The following RTKN2 variants were observed in gnomAD, a reference collection of about 807,000 sequenced individuals.
RTKN2 encodes rhotekin 2.
RTKN2 carries 69 observed loss-of-function variants against 71.5 expected under a neutral mutation model. The ratio of observed to expected loss-of-function variants is 0.96; its 90% CI spans 0.79 to 1.18. The LOEUF is 1.18. RTKN2 is among the 50% of genes most tolerant of loss of function. RTKN2 has a pLI of 0.00. For missense variants in RTKN2, 724 were observed against 719.7 expected (o/e 1.01, Z -0.07); for synonymous variants, 236 against 236.5 (o/e 1.00, Z 0.02).
At chr10:62,240,823 T>C (rs1353996940) in intron 4 of RTKN2, among the ~76,000 whole-genome samples, 1 of 152,124 alleles carries the variant, frequency 6.6e-6, no homozygotes, top group Non-Finnish European at 1.5e-5. Flanking sequence ...ATACAAGAAA[T>C]GTTGGCTTTA....
intron 6 of RTKN2, among the ~76,000 whole-genome samples, chr10:62,223,592 A>G (rs1282993643): frequency 6.6e-6 from 1 of 152,208 alleles, no homozygotes; most frequent in Non-Finnish European, 1.5e-5. Flanking sequence ...ATCATCAGTC[A>G]TTGGGGAAAT....
At chr10:62,239,344 G>A (rs1340751567) in intron 5 of RTKN2, 8 of 197,370 alleles carry the variant, frequency 4.1e-5, no homozygotes, top group African/African-American at 1.4e-4. Context: ...TCTGTTGTAT[G>A]CATAGCTTTG....
intron 2 of RTKN2, among the ~76,000 whole-genome samples, chr10:62,247,377 A>G (rs1396822526): frequency 6.6e-6 from 1 of 151,972 alleles, no homozygotes; most frequent in African/African-American, 2.4e-5. Flanking sequence ...TCATACGTTT[A>G]TATGAGATAT....
At chr10:62,200,861 G>A (rs1363951502) in intron 10 of RTKN2, among the ~76,000 whole-genome samples, 1 of 151,948 alleles carries the variant, frequency 6.6e-6, no homozygotes, top group Non-Finnish European at 1.5e-5. Context: ...ATTAAATAAA[G>A]GCATTTGGAA....
intron 1 of RTKN2, among the ~76,000 whole-genome samples, chr10:62,265,504 T>A (rs1049937828): frequency 6.6e-6 from 1 of 151,894 alleles, no homozygotes; most frequent in African/African-American, 2.4e-5. Context: ...GTTAAGTGGA[T>A]CCCAGAAGGC....
chr10:62,268,582 G>A lies in RTKN2; in HGVS notation c.29C>T (p.Ala10Val), dbSNP rs752904489. 2.6e-6 allele frequency: 4 copies of A among 1,566,310 alleles called. No homozygotes were observed. The Admixed American group carries it at 7.5e-5, about 29-fold the overall frequency. MEGPSLRGP[A>V]LRLAGLPTQQ... ...GGTGGGAAGCCCCGCCAGGCGGAGC[G>A]CAGGACCCCTCAGGCTCGGCCCCTC... The change falls in exon 1 of 12, where the codon GCG (alanine) becomes GTG (valine). Residue 10 changes from alanine to valine, a missense_variant. Transcript: ENST00000373789.
At chr10:62,191,416 A>G (rs1030045801), downstream of RTKN2, among the ~76,000 whole-genome samples, 1 of 152,178 alleles carries the variant, frequency 6.6e-6, no homozygotes. Flanking sequence ...AAGTACTGGG[A>G]TTATAGGCAT....
chr10:62,230,156 ATTTTTC>A (rs1243974358), intron 6 of RTKN2, among the ~76,000 whole-genome samples: 1 of 151,866 alleles, frequency 6.6e-6, no homozygotes, highest in African/African-American at 2.4e-5. Flanking sequence ...AGTTTCTATT[ATTTTTC>A]TTTTTTTCTT....
rs1842916014 is a variant in RTKN2, at chr10:62,268,734, C to T, written c.-124G>A. 3 of 1,028,792 alleles carry T rather than the reference C, an allele frequency of 2.9e-6. No individual in the cohort carries two copies. Among genetic ancestry groups the T allele is most frequent in the African/African-American group, 1.7e-5 (1 of 60,058 alleles). 63.7% of individuals were successfully genotyped at this position (1,028,792 alleles called of 1,614,324 possible). A position where few individuals can be genotyped will look rare whatever the true frequency, so the allele number is the denominator to read the frequency against. On this transcript the variant is annotated 5_prime_UTR_variant, in exon 1 of 12. Coordinates refer to ENST00000373789, the MANE Select transcript of RTKN2 (RefSeq NM_145307.4). ...CGTACCAAGTCCCAGTCGCAGGGGCCGGGGGCGCAGGAGGAGCCGGGCCGA... is the reference window on the plus strand; with the variant it reads ...CGTACCAAGTCCCAGTCGCAGGGGCTGGGGGCGCAGGAGGAGCCGGGCCGA...
At chr10:62,239,234 C>T (rs986338965) in intron 5 of RTKN2, 15 of 155,100 alleles carry the variant, frequency 9.7e-5, no homozygotes, top group African/African-American at 3.4e-4. Flanking sequence ...AATAAAGTTG[C>T]TATACTATTT....
downstream of RTKN2, among the ~76,000 whole-genome samples, chr10:62,188,864 C>T (rs1380802904): frequency 1.1e-4 from 16 of 152,106 alleles, no homozygotes. Flanking sequence ...TCTCTTGCCT[C>T]AGCCTCCTGA....
intron 9 of RTKN2, among the ~76,000 whole-genome samples, chr10:62,211,426 T>C (rs925912981): frequency 5.9e-5 from 9 of 152,220 alleles, no homozygotes; most frequent in Admixed American, 4.6e-4. Context: ...ACAAGAATTA[T>C]AGCTTGAGAA....
At chr10:62,208,879 T>G (rs1183787372) in intron 9 of RTKN2, among the ~76,000 whole-genome samples, 1 of 152,184 alleles carries the variant, frequency 6.6e-6, no homozygotes, top group Non-Finnish European at 1.5e-5. Flanking sequence ...GTGGAAGACC[T>G]AGATATATGA....
chr10:62,227,276 G>C (rs568234522), intron 6 of RTKN2, among the ~76,000 whole-genome samples: 1 of 152,130 alleles, frequency 6.6e-6, no homozygotes, highest in Non-Finnish European at 1.5e-5. Flanking sequence ...ATGAAGCTAA[G>C]TAAAGCATGG....
downstream of RTKN2, among the ~76,000 whole-genome samples, chr10:62,190,353 G>A (rs1166984828): frequency 3.9e-5 from 6 of 152,138 alleles, no homozygotes; most frequent in African/African-American, 1.4e-4. Flanking sequence ...CACTTACTGG[G>A]AGACTGTGAG....
At chr10:62,259,306 A>C in intron 2 of RTKN2, 1 of 346,252 alleles carries the variant, frequency 2.9e-6, no homozygotes, top group Non-Finnish European at 5.9e-6. Context: ...ATCTGTATTA[A>C]CAGTGTGAAA....
intron 8 of RTKN2, among the ~76,000 whole-genome samples, chr10:62,186,280 C>T (rs1841135455): frequency 6.6e-6 from 1 of 152,148 alleles, no homozygotes; most frequent in Non-Finnish European, 1.5e-5. Context: ...CTACTTAATG[C>T]ATTCAGAGAG....
chr10:62,245,006 A>G (rs550184109), intron 3 of RTKN2, among the ~76,000 whole-genome samples: 2 of 152,314 alleles, frequency 1.3e-5, no homozygotes, highest in South Asian at 4.1e-4. Flanking sequence ...TAACCTAGTG[A>G]TTACTTAAGG....
chr10:62,223,150 TTAAGCCGATATCC>T, intron 7 of RTKN2, 75 bp downstream of exon 7: 2 of 693,106 alleles, frequency 2.9e-6, no homozygotes, highest in Non-Finnish European at 5.0e-6. Context: ...TCTCCATTAT[TTAAGCCGATATCC>T]ACTTGAGGGG....
Sources: allele counts gnomAD v4.1 joint callset (sites outside exome capture counted in the v4.1 genomes callset), GRCh38; gene constraint gnomAD v4.1.1; transcripts MANE v1.5; gene names NCBI Gene and HGNC (gene_info 2026-07-23, HGNC 2026-07-21).